Variants in PXDNL observed in about 807,000 individuals in gnomAD.
PXDNL encodes peroxidasin like.
PXDNL carries 145 observed loss-of-function variants against 150.8 expected under a neutral mutation model. That is an observed-to-expected ratio of 0.96 (90% confidence interval 0.84 to 1.10). The LOEUF (loss-of-function observed/expected upper bound fraction) is 1.10. Among genes scored for constraint, PXDNL ranks in the 50% least tolerant of loss-of-function variants. PXDNL has a pLI of 0.00. For missense variants in PXDNL, 2,087 were observed against 1,873.9 expected, an observed-to-expected ratio of 1.11 and a Z score of -2.10; for synonymous variants, 757 against 725.7, an observed-to-expected ratio of 1.04 and a Z score of -0.69.
intron 3 of PXDNL, among the ~76,000 whole-genome samples, chr8:51,557,903 G>T (rs933350609): frequency 6.6e-6 from 1 of 152,056 alleles, no homozygotes; most frequent in Non-Finnish European, 1.5e-5. Flanking sequence ...CCCAGTTTAG[G>T]ACTCCAGTCA....
intron 9 of PXDNL, among the ~76,000 whole-genome samples, chr8:51,456,150 C>T (rs1348888232): frequency 6.6e-6 from 1 of 152,156 alleles, no homozygotes; most frequent in African/African-American, 2.4e-5. Flanking sequence ...CCACCAGAGA[C>T]ATTTTTCTAA....
At chr8:51,370,110 A>G (rs908014067) in intron 19 of PXDNL, among the ~76,000 whole-genome samples, 3 of 152,246 alleles carry the variant, frequency 2.0e-5, no homozygotes, top group Non-Finnish European at 4.4e-5. Flanking sequence ...AGTTTCCAGG[A>G]GCCTTATTTT....
chr8:51,389,679 T>C (rs1201702405), intron 17 of PXDNL, among the ~76,000 whole-genome samples: 2 of 152,252 alleles, frequency 1.3e-5, no homozygotes, highest in African/African-American at 4.8e-5. Flanking sequence ...CTTTGTGACA[T>C]ATAAGAATTG....
chr8:51,640,325 T>C (rs1039756719), intron 2 of PXDNL, among the ~76,000 whole-genome samples: 44 of 152,266 alleles, frequency 2.9e-4, no homozygotes, highest in Non-Finnish European at 5.4e-4. Context: ...ACCACTCCTA[T>C]TCAACATAGT....
In PXDNL at chr8:51,809,392, A is replaced by AGCAGCTGCAGCT. The variant is rs149859309; in HGVS notation, c.-60_-49dup. 2.0e-6 allele frequency: 3 copies of AGCAGCTGCAGCT among 1,475,442 alleles called. No individual in the cohort carries two copies. The African/African-American group carries it at 4.3e-5, about 21-fold the overall frequency. The allele number at this position is 1,475,442 out of a possible 1,614,324, so 91.4% of individuals were successfully genotyped here. ...GCGAAGAAGCAGCCGGAGGGAGAGC[A>AGCAGCTGCAGCT]GCAGCTGCAGCTGCAGCAGCAACCG... On this transcript the variant is annotated 5_prime_UTR_variant, in exon 1 of 23. Coordinates refer to ENST00000356297, the MANE Select transcript of PXDNL (RefSeq NM_144651.5).
intron 3 of PXDNL, among the ~76,000 whole-genome samples, chr8:51,560,375 A>C (rs1288700309): frequency 2.0e-5 from 3 of 152,074 alleles, no homozygotes; most frequent in Non-Finnish European, 2.9e-5. Flanking sequence ...CTTGAGAAAG[A>C]ATAACATAGT....
intron 1 of PXDNL, among the ~76,000 whole-genome samples, chr8:51,717,545 T>C (rs892204803): frequency 1.3e-5 from 2 of 152,198 alleles, no homozygotes; most frequent in African/African-American, 4.8e-5. Flanking sequence ...TAGTGTGGGC[T>C]TCCCATGTTG....
At chr8:51,555,162 C>G (rs1812574427) in intron 4 of PXDNL, among the ~76,000 whole-genome samples, 1 of 152,094 alleles carries the variant, frequency 6.6e-6, no homozygotes, top group Non-Finnish European at 1.5e-5. Context: ...GGGCCGGCAT[C>G]CTTTAAGGGC....
At chr8:51,661,171 T>C (rs780397745) in intron 1 of PXDNL, among the ~76,000 whole-genome samples, 10 of 152,172 alleles carry the variant, frequency 6.6e-5, no homozygotes, top group Non-Finnish European at 1.5e-4. Flanking sequence ...ACACCCTCCA[T>C]CTTGCCCGAT....
intron 1 of PXDNL, among the ~76,000 whole-genome samples, chr8:51,746,414 TCTTCATCTAG>T (rs1426696557): frequency 3.3e-5 from 5 of 152,178 alleles, no homozygotes; most frequent in Non-Finnish European, 5.9e-5. Flanking sequence ...CCCTGTCCTC[TCTTCATCTAG>T]AACAGGCAGA....
At chr8:51,660,935 G>T (rs773892183) in intron 1 of PXDNL, among the ~76,000 whole-genome samples, 1 of 152,098 alleles carries the variant, frequency 6.6e-6, no homozygotes, top group African/African-American at 2.4e-5. Context: ...TCCCTCAGGC[G>T]ATGCCCTTTG....
intron 3 of PXDNL, among the ~76,000 whole-genome samples, chr8:51,571,200 C>A (rs920763625): frequency 6.6e-6 from 1 of 151,538 alleles, no homozygotes; most frequent in Admixed American, 6.6e-5. Context: ...TGTGGTCTTC[C>A]AACAACAAAT....
intron 17 of PXDNL, among the ~76,000 whole-genome samples, chr8:51,396,458 G>A (rs1024323395): frequency 1.3e-5 from 2 of 152,146 alleles, no homozygotes; most frequent in Non-Finnish European, 2.9e-5. Flanking sequence ...CATCAATCTG[G>A]GATTTAAAAA....
chr8:51,383,044 C>T (rs1807596665), intron 17 of PXDNL, among the ~76,000 whole-genome samples: 1 of 152,160 alleles, frequency 6.6e-6, no homozygotes, highest in Non-Finnish European at 1.5e-5. Flanking sequence ...CGTGCATATC[C>T]TATATAAGTA....
chr8:51,779,234 T>G (rs1191371165), intron 1 of PXDNL, among the ~76,000 whole-genome samples: 1 of 152,204 alleles, frequency 6.6e-6, no homozygotes, highest in Non-Finnish European at 1.5e-5. Context: ...CCTCCTCCCC[T>G]ATGCACCTCA....
At chr8:51,676,117 G>A (rs143438507) in intron 1 of PXDNL, among the ~76,000 whole-genome samples, 1 of 152,256 alleles carries the variant, frequency 6.6e-6, no homozygotes, top group African/African-American at 2.4e-5. Flanking sequence ...CAGTAAATGT[G>A]CCTTATTACT....
At chr8:51,337,666 C>A (rs1805867934) in intron 21 of PXDNL, among the ~76,000 whole-genome samples, 1 of 151,890 alleles carries the variant, frequency 6.6e-6, no homozygotes, top group Non-Finnish European at 1.5e-5. Flanking sequence ...CACCTGAGGT[C>A]AGGAGTTTGA....
chr8:51,737,881 T>C (rs1817070655), intron 1 of PXDNL, among the ~76,000 whole-genome samples: 1 of 152,180 alleles, frequency 6.6e-6, no homozygotes, highest in South Asian at 2.1e-4. Context: ...TACCTGTCCC[T>C]GTCGATTTGT....
chr8:51,608,006 A>G (rs796076721), intron 2 of PXDNL, among the ~76,000 whole-genome samples: 517 of 45,320 alleles, frequency 0.011, 12 homozygotes, highest in African/African-American at 0.037. Context: ...AGGAAGGAAG[A>G]AAGAAAGAAA....
Sources: gnomAD v4.1 joint callset for allele counts (sites outside exome capture counted in the v4.1 genomes callset) on GRCh38, gnomAD v4.1.1 for gene constraint, MANE v1.5 for transcripts, NCBI Gene and HGNC (gene_info 2026-07-23, HGNC 2026-07-21) for gene names.